The following AIM2 variants were observed in gnomAD, a reference collection of about 807,000 sequenced individuals.
The protein encoded by AIM2 is absent in melanoma 2.
Under a neutral mutation model 27.7 loss-of-function variants are expected in AIM2, and 30 were observed. The observed-to-expected ratio is 1.08, with a 90% CI of 0.81 to 1.47. The LOEUF (loss-of-function observed/expected upper bound fraction) is 1.47, where lower values mean the gene tolerates loss of function less well. Ranked by LOEUF, AIM2 falls within the 40% of genes most tolerant of loss-of-function variation. The pLI is 0.00. For synonymous variants in AIM2, 141 were observed against 145.3 expected (o/e 0.97, Z 0.21); for missense variants, 358 against 411.3 (o/e 0.87, Z 1.12).
At chr1:159,078,019 TA>T (rs1557897627), upstream of AIM2, among the ~76,000 whole-genome samples, 2 of 152,338 alleles carry the variant, frequency 1.3e-5, no homozygotes, top group Middle Eastern at 3.4e-3. Context: ...GAAGAGCACC[TA>T]ACCATGCCCA....
In AIM2 at chr1:159,110,622, G is replaced by C. The variant is rs538665812; in HGVS notation, c.-16+29809C>G. On this transcript the variant is annotated intron_variant, in intron 1 of 2. Transcript: ENST00000368129. ...TATTGCCAAAGTGTGAGAAACTGAT[G>C]GAAATGACTTGATAAGAGCAATCAG... is the stretch of plus-strand genomic sequence containing the variant. 9.2e-5 allele frequency among the ~76,000 whole-genome samples: 14 copies of C among 152,210 alleles called. No individual in the cohort carries two copies. The South Asian group carries it at 2.7e-3, about 29-fold the overall frequency.
At chr1:159,136,210 T>G (rs1412465800) in intron 1 of AIM2, among the ~76,000 whole-genome samples, 2 of 152,184 alleles carry the variant, frequency 1.3e-5, no homozygotes, top group Non-Finnish European at 2.9e-5. Flanking sequence ...GTTAGAAACA[T>G]GGGCCACAGA....
At chr1:159,056,299 C>A in the AIM2 span, among the ~76,000 whole-genome samples, 2 of 152,194 alleles carry the variant, frequency 1.3e-5, no homozygotes, top group South Asian at 4.1e-4. Context: ...GCGCAAACTT[C>A]TGTGGCTTCA....
intron 1 of AIM2, among the ~76,000 whole-genome samples, chr1:159,128,890 A>G (rs1012468906): frequency 2.6e-5 from 4 of 152,184 alleles, no homozygotes; most frequent in Non-Finnish European, 5.9e-5. Flanking sequence ...ATTCTCAGCA[A>G]ATAACCCACA....
chr1:159,086,118 C>T (rs1331702110), intron 1 of AIM2, among the ~76,000 whole-genome samples: 2 of 152,166 alleles, frequency 1.3e-5, no homozygotes, highest in African/African-American at 4.8e-5. Flanking sequence ...ATCTAGGAAA[C>T]ATCCAACAGA....
upstream of AIM2, among the ~76,000 whole-genome samples, chr1:159,079,132 A>G (rs1027479572): frequency 1.3e-5 from 2 of 152,188 alleles, no homozygotes; most frequent in African/African-American, 4.8e-5. Context: ...CTTAAGGACA[A>G]AGCAGAGGGT....
At chr1:159,073,655 T>C (rs530612032) in intron 1 of AIM2, 136 bp from the exon 2 acceptor site, 3 of 856,660 alleles carry the variant, frequency 3.5e-6, no homozygotes, top group African/African-American at 3.4e-5. Context: ...GAGTAGGACA[T>C]AGGTAAGAAC....
At chr1:159,103,213 C>A (rs916554125) in intron 1 of AIM2, among the ~76,000 whole-genome samples, 1 of 152,192 alleles carries the variant, frequency 6.6e-6, no homozygotes, top group African/African-American at 2.4e-5. Context: ...TCTCCTGACA[C>A]CCTGTGAAGA....
At chr1:159,104,812 T>G (rs1657394943) in intron 1 of AIM2, among the ~76,000 whole-genome samples, 1 of 152,218 alleles carries the variant, frequency 6.6e-6, no homozygotes, top group Non-Finnish European at 1.5e-5. Flanking sequence ...CAAATTCCAT[T>G]TCTACCACTT....
At chr1:159,096,211 A>G (rs1657177870) in intron 1 of AIM2, among the ~76,000 whole-genome samples, 1 of 152,228 alleles carries the variant, frequency 6.6e-6, no homozygotes, top group Non-Finnish European at 1.5e-5. Context: ...AACTTTGTGT[A>G]GTAGAAAAAG....
intron 1 of AIM2, among the ~76,000 whole-genome samples, chr1:159,119,776 A>T (rs915550539): frequency 6.6e-6 from 1 of 151,260 alleles, no homozygotes; most frequent in African/African-American, 2.4e-5. Flanking sequence ...CCCCCACCCT[A>T]TGTGTGTGTG....
chr1:159,102,281 G>C (rs920765193), intron 1 of AIM2, among the ~76,000 whole-genome samples: 2 of 152,224 alleles, frequency 1.3e-5, no homozygotes, highest in African/African-American at 4.8e-5. Flanking sequence ...TGAGGTTTGG[G>C]AACCTCTGCC....
intron 1 of AIM2, among the ~76,000 whole-genome samples, chr1:159,122,828 CT>C (rs1371700905): frequency 2.6e-5 from 4 of 152,142 alleles, no homozygotes; most frequent in Admixed American, 1.3e-4. Flanking sequence ...TTGGGCCACC[CT>C]ATTTAGTGGC....
chr1:159,119,733 A>T (rs1281150170), intron 1 of AIM2, among the ~76,000 whole-genome samples: 2 of 152,020 alleles, frequency 1.3e-5, no homozygotes, highest in African/African-American at 4.8e-5. Flanking sequence ...CTTTCATTGG[A>T]CAGAGTGGAT....
intron 1 of AIM2, among the ~76,000 whole-genome samples, chr1:159,088,793 T>C (rs1156517419): frequency 1.3e-5 from 2 of 152,132 alleles, no homozygotes; most frequent in African/African-American, 2.4e-5. Flanking sequence ...TGATGCTCTC[T>C]GCTGCCTGGG....
intron 2 of AIM2, among the ~76,000 whole-genome samples, chr1:159,069,331 A>G (rs1024461126): frequency 6.6e-6 from 1 of 152,148 alleles, no homozygotes; most frequent in Non-Finnish European, 1.5e-5. Flanking sequence ...ACATACAAAG[A>G]TAAGTATATA....
At chr1:159,060,986 T>C (rs1655815336), downstream of AIM2, among the ~76,000 whole-genome samples, 1 of 152,222 alleles carries the variant, frequency 6.6e-6, no homozygotes, top group Admixed American at 6.5e-5. Flanking sequence ...CTAATGTGAC[T>C]TTTCATTCCC....
chr1:159,131,461 C>T (rs1041776484), intron 1 of AIM2, among the ~76,000 whole-genome samples: 2 of 152,114 alleles, frequency 1.3e-5, no homozygotes, highest in East Asian at 1.9e-4. Flanking sequence ...CTTTGTCATA[C>T]AGTACATTTG....
At chr1:159,096,840 A>G (rs147109340) in intron 1 of AIM2, among the ~76,000 whole-genome samples, 8 of 152,202 alleles carry the variant, frequency 5.3e-5, no homozygotes, top group Admixed American at 1.3e-4. Context: ...GTGAAGGATG[A>G]TGGGGGGAAT....
Sources: gnomAD v4.1 joint callset for allele counts (sites outside exome capture counted in the v4.1 genomes callset) on GRCh38, gnomAD v4.1.1 for gene constraint, MANE v1.5 for transcripts, NCBI Gene and HGNC (gene_info 2026-07-23, HGNC 2026-07-21) for gene names.